Variants in CCNH observed in about 807,000 individuals in gnomAD.
CCNH encodes the protein cyclin-H.
In CCNH, 31 loss-of-function variants were observed where a neutral mutation model predicts 41.9. The ratio of observed to expected loss-of-function variants is 0.74; its 90% confidence interval spans 0.56 to 1.00. CCNH has a LOEUF of 1.00. Among genes scored for constraint, CCNH ranks in the 50% least tolerant of loss-of-function variants. The pLI is 0.00. For missense variants in CCNH, 362 were observed against 388.4 expected, an observed-to-expected ratio of 0.93 and a Z score of 0.57; for synonymous variants, 138 against 136.1, an observed-to-expected ratio of 1.01 and a Z score of -0.10.
chr5:87,330,114 A>G (rs59593566), intron 9 of CCNH, among the ~76,000 whole-genome samples: 196 of 152,236 alleles, frequency 1.3e-3, no homozygotes, highest in African/African-American at 4.5e-3. Context: ...AAATAAGTTC[A>G]TTATTTTCAG....
At chr5:87,370,756 G>A (rs181699159) in intron 9 of CCNH, among the ~76,000 whole-genome samples, 11 of 152,062 alleles carry the variant, frequency 7.2e-5, no homozygotes, top group African/African-American at 4.8e-5. Context: ...ATATTCTAAC[G>A]AAGGAACTTA....
chr5:87,361,706 T>C (rs1760107676), intron 9 of CCNH, among the ~76,000 whole-genome samples: 1 of 152,134 alleles, frequency 6.6e-6, no homozygotes. Flanking sequence ...TTCCTAAAAA[T>C]CATAGCATTA....
At chr5:87,347,204 G>T (rs1447319684) in intron 9 of CCNH, among the ~76,000 whole-genome samples, 1 of 151,732 alleles carries the variant, frequency 6.6e-6, no homozygotes, top group East Asian at 1.9e-4. Context: ...ATATTGTATT[G>T]TTTTTATTCT....
Position 87,409,316 on chromosome 5 carries a change from T to TA in CCNH, c.287dup (p.Met97AsnfsTer21), listed in dbSNP as rs754347092. ...TTATTATCCTGGGGTGATATTCCAT[T>TA]ACTGAGTTATTAAGATAAAAACGTT... On this transcript the variant is annotated frameshift_variant, in exon 3 of 9. Coordinates refer to ENST00000256897, the MANE Select transcript of CCNH (RefSeq NM_001239.4). LOFTEE classifies it high-confidence loss of function. 2 of 1,575,094 alleles carry TA rather than the reference T, an allele frequency of 1.3e-6. No individual in the cohort carries two copies. Among genetic ancestry groups the TA allele is most frequent in the Non-Finnish European group, 8.7e-7 (1 of 1,145,740 alleles).
intron 9 of CCNH, among the ~76,000 whole-genome samples, chr5:87,321,702 C>T (rs1258862647): frequency 2.0e-5 from 3 of 152,256 alleles, no homozygotes; most frequent in East Asian, 1.9e-4. Flanking sequence ...GTATGCCACT[C>T]TCCCAGCAAG....
downstream of CCNH, among the ~76,000 whole-genome samples, chr5:87,376,068 T>A (rs1761305925): frequency 6.6e-6 from 1 of 152,204 alleles, no homozygotes; most frequent in Non-Finnish European, 1.5e-5. Context: ...ATTATTTCTC[T>A]GTACTCGAAT....
At chr5:87,360,599 A>G (rs1760014543) in intron 9 of CCNH, among the ~76,000 whole-genome samples, 1 of 152,176 alleles carries the variant, frequency 6.6e-6, no homozygotes, top group Non-Finnish European at 1.5e-5. Context: ...TTTTTATACA[A>G]AGGCCCTTTA....
In CCNH at chr5:87,335,048, A is replaced by C. The variant is rs139240819; in HGVS notation, c.*91-16151T>G. Reference sequence around the variant, plus strand: ...CAGGCGTGTGTCACCAAGTCCAGCTAAGTTTTGTAATTTAGTAGAGATGGG... The same window carrying C: ...CAGGCGTGTGTCACCAAGTCCAGCTCAGTTTTGTAATTTAGTAGAGATGGG... On this transcript the variant is annotated intron_variant and NMD_transcript_variant, in intron 9 of 9. Coordinates refer to the CCNH transcript ENST00000645953. 3.6e-3 allele frequency among the ~76,000 whole-genome samples: 553 copies of C among 152,248 alleles called. 9 individuals are homozygous for C. The highest frequency in any genetic ancestry group is 3.8e-3 in the Admixed American group (58 of 15,300).
At chr5:87,332,456 A>T (rs771321253) in intron 9 of CCNH, 1 of 1,532,918 alleles carries the variant, frequency 6.5e-7, no homozygotes. Flanking sequence ...CTTGATTTTT[A>T]AAATTGGCTG....
At chr5:87,405,034 C>T in intron 4 of CCNH, 27 bp from the exon 5 acceptor site, 1 of 1,572,138 alleles carries the variant, frequency 6.4e-7, no homozygotes, top group Non-Finnish European at 8.7e-7. Context: ...CAAATGTTAC[C>T]ATTTCTGAGG....
At chr5:87,336,488 A>C (rs963614198) in intron 9 of CCNH, among the ~76,000 whole-genome samples, 1 of 152,122 alleles carries the variant, frequency 6.6e-6, no homozygotes, top group Non-Finnish European at 1.5e-5. Flanking sequence ...TAAAATAAAA[A>C]TACCTTAAAA....
intron 9 of CCNH, among the ~76,000 whole-genome samples, chr5:87,334,889 CTT>C (rs1353348896): frequency 6.9e-6 from 1 of 145,084 alleles, no homozygotes. Flanking sequence ...TAGTTTGTTC[CTT>C]TTTTTTTTTT....
At chr5:87,365,269 C>T (rs1193547426) in intron 9 of CCNH, among the ~76,000 whole-genome samples, 1 of 152,094 alleles carries the variant, frequency 6.6e-6, no homozygotes, top group East Asian at 1.9e-4. Context: ...AAAATTATAA[C>T]ACTCGAAATC....
At chr5:87,379,862 A>T, upstream of CCNH, 1 of 1,610,442 alleles carries the variant, frequency 6.2e-7, no homozygotes, top group South Asian at 1.1e-5. Flanking sequence ...TAAGTGGTGA[A>T]ATTTTCATTT....
At chr5:87,371,253 C>T (rs1444975096) in intron 9 of CCNH, among the ~76,000 whole-genome samples, 1 of 151,762 alleles carries the variant, frequency 6.6e-6, no homozygotes, top group Non-Finnish European at 1.5e-5. Flanking sequence ...ATTTATTGGG[C>T]TGTGGGGGTC....
downstream of CCNH, among the ~76,000 whole-genome samples, chr5:87,387,170 T>G (rs1469533704): frequency 2.6e-5 from 4 of 152,140 alleles, no homozygotes; most frequent in Admixed American, 2.0e-4. Flanking sequence ...CTGTCTTGCT[T>G]TTCATATCCT....
intron 9 of CCNH, among the ~76,000 whole-genome samples, chr5:87,351,837 G>C (rs1008814844): frequency 5.3e-5 from 8 of 151,648 alleles, no homozygotes; most frequent in African/African-American, 9.7e-5. Flanking sequence ...ACTTCCCCAT[G>C]GTTTCCTGTT....
downstream of CCNH, among the ~76,000 whole-genome samples, chr5:87,317,190 C>A (rs1406806607): frequency 6.6e-6 from 1 of 152,084 alleles, no homozygotes; most frequent in African/African-American, 2.4e-5. Context: ...GCGGATACCA[C>A]AAATTTGTGG....
At chr5:87,323,358 G>A (rs1199191404) in intron 9 of CCNH, among the ~76,000 whole-genome samples, 1 of 152,102 alleles carries the variant, frequency 6.6e-6, no homozygotes, top group Admixed American at 6.5e-5. Flanking sequence ...AACTTGTTTG[G>A]GATATAAGCC....
Sources: gnomAD v4.1 joint callset for allele counts (sites outside exome capture counted in the v4.1 genomes callset) on GRCh38, gnomAD v4.1.1 for gene constraint, MANE v1.5 for transcripts, NCBI Gene and HGNC (gene_info 2026-07-23, HGNC 2026-07-21) for gene names.